PMP22: variants seen among roughly 807,000 people sequenced by gnomAD.
PMP22 encodes peripheral myelin protein 22.
Under a neutral mutation model 18.9 loss-of-function variants are expected in PMP22, and 2 were observed. The observed-to-expected ratio is 0.11, with a 90% CI of 0.04 to 0.33. The LOEUF is 0.33. PMP22 is among the 10% of genes least tolerant of loss of function. The probability of loss-of-function intolerance (pLI) is 1.00; values close to 1 mark genes in which losing one functional copy is unlikely to be tolerated. For synonymous variants in PMP22, 95 were observed against 89.2 expected (o/e 1.07, Z -0.37); for missense variants, 169 against 202.2 (o/e 0.84, Z 1.00).
At chr17:15,249,143 G>A (rs560713073) in intron 3 of PMP22, among the ~76,000 whole-genome samples, 90 of 152,286 alleles carry the variant, frequency 5.9e-4, no homozygotes, top group Non-Finnish European at 1.2e-3. Context: ...CCGTTTACAA[G>A]CACAAAACCC....
At chr17:15,244,160 G>A (rs969045246) in intron 3 of PMP22, among the ~76,000 whole-genome samples, 8 of 152,038 alleles carry the variant, frequency 5.3e-5, no homozygotes, top group Non-Finnish European at 5.9e-5. Flanking sequence ...AATAAACATC[G>A]TAAAAGGTGC....
At chr17:15,238,115 G>T (rs1232970652) in intron 4 of PMP22, among the ~76,000 whole-genome samples, 1 of 152,100 alleles carries the variant, frequency 6.6e-6, no homozygotes, top group African/African-American at 2.4e-5. Flanking sequence ...TGCATAATTA[G>T]TCATTTAACA....
chr17:15,256,057 C>T (rs987270948), intron 3 of PMP22, among the ~76,000 whole-genome samples: 18 of 152,142 alleles, frequency 1.2e-4, no homozygotes, highest in Non-Finnish European at 2.4e-4. Context: ...TCTGCCCACA[C>T]GAGGCAGATA....
chr17:15,246,203 A>T (rs1328685099), intron 3 of PMP22, among the ~76,000 whole-genome samples: 1 of 152,228 alleles, frequency 6.6e-6, no homozygotes, highest in Non-Finnish European at 1.5e-5. Context: ...CAAACTATCT[A>T]TAAAGAATCA....
chr17:15,260,511 A>G, intron 2 of PMP22, 139 bp downstream of exon 2: 2 of 761,094 alleles, frequency 2.6e-6, no homozygotes, highest in Middle Eastern at 3.5e-4. Context: ...AAGGGGGCAG[A>G]TTGCCAGAAA....
intron 4 of PMP22, among the ~76,000 whole-genome samples, chr17:15,236,469 G>A (rs1415265146): frequency 6.6e-6 from 1 of 152,106 alleles, no homozygotes; most frequent in Non-Finnish European, 1.5e-5. Context: ...AGAGATTCTA[G>A]TGGTTTCCAC....
At chr17:15,243,767 G>A (rs867314874) in intron 3 of PMP22, among the ~76,000 whole-genome samples, 8 of 147,266 alleles carry the variant, frequency 5.4e-5, no homozygotes, top group Middle Eastern at 7.5e-3. Context: ...ATGTTCAAGT[G>A]CTTATATTAT....
In PMP22 at chr17:15,258,847, G is replaced by A. The variant is rs1454716170; in HGVS notation, c.178+247C>T. 1 of 559,330 alleles carries A rather than the reference G, an allele frequency of 1.8e-6. No individual in the cohort carries two copies. The highest frequency in any genetic ancestry group is 1.9e-5 in the South Asian group (1 of 51,704). The allele number at this position is 559,330 out of a possible 1,614,324, so 34.6% of individuals were successfully genotyped here. A position where few individuals can be genotyped will look rare whatever the true frequency, so the allele number is the denominator to read the frequency against. On this transcript the variant is annotated intron_variant, in intron 3 of 4. Coordinates refer to ENST00000312280, the MANE Select transcript of PMP22 (RefSeq NM_000304.4). This position sits in a 1 kb window ranked among gnomAD's most constrained non-coding sequence, Gnocchi z 4.1. Reference sequence around the variant, plus strand: ...AATCACAAAAAGCATTATCCTAAGTGATCAGGAGGGCACTAAGGGCATGTC... The same window carrying A: ...AATCACAAAAAGCATTATCCTAAGTAATCAGGAGGGCACTAAGGGCATGTC...
Position 15,239,498 on chromosome 17 carries a change from T to C in PMP22, c.292A>G (p.Ile98Val), listed in dbSNP as rs748778392. The C allele has an allele frequency of 1.9e-6, 3 of 1,614,206 alleles. No individual in the cohort carries two copies. The highest frequency in any genetic ancestry group is 2.5e-6 in the Non-Finnish European group (3 of 1,180,018). ...FTLTKGGRFY[I>V]TGIFQILAGL... ...GCAAGAATTTGGAAGATTCCAGTGA[T>C]GTAAAACCTGCCCCCCTTGGTGAGG... The change falls in exon 4 of 5, where the codon ATC (isoleucine) becomes GTC (valine). Residue 98 changes from isoleucine (I) to valine (V), a missense_variant. Coordinates refer to ENST00000312280, the MANE Select transcript of PMP22 (RefSeq NM_000304.4).
At chr17:15,244,490 C>T (rs16951242) in intron 3 of PMP22, among the ~76,000 whole-genome samples, 2,962 of 152,180 alleles carry the variant, frequency 0.019, 93 homozygotes, top group African/African-American at 0.066. Context: ...CTACTATATC[C>T]TGGAAAAACA....
chr17:15,247,634 G>C (rs780466021), intron 3 of PMP22, among the ~76,000 whole-genome samples: 1 of 152,188 alleles, frequency 6.6e-6, no homozygotes, highest in Non-Finnish European at 1.5e-5. Flanking sequence ...CTACAACCTA[G>C]TGAGTTAAGG....
At chr17:15,245,538 G>A (rs1907726542) in intron 3 of PMP22, among the ~76,000 whole-genome samples, 1 of 152,088 alleles carries the variant, frequency 6.6e-6, no homozygotes, top group South Asian at 2.1e-4. Flanking sequence ...TATTTTATTG[G>A]GTTGTCATAA....
chr17:15,260,800 G>T, intron 1 of PMP22, 39 bp from the exon 2 acceptor site: 1 of 1,356,266 alleles, frequency 7.4e-7, no homozygotes, highest in Non-Finnish European at 1.0e-6. Context: ...GAACGCACTG[G>T]GCCGAGCGAC....
intron 3 of PMP22, among the ~76,000 whole-genome samples, chr17:15,250,064 G>C (rs927250788): frequency 9.6e-4 from 146 of 152,106 alleles, no homozygotes; most frequent in African/African-American, 3.3e-3. Context: ...TACAGGCACC[G>C]GCCACCACGC....
chr17:15,256,070 G>A (rs1256218597), intron 3 of PMP22, among the ~76,000 whole-genome samples: 6 of 152,242 alleles, frequency 3.9e-5, no homozygotes, highest in Admixed American at 6.5e-5. Context: ...GGCAGATAAG[G>A]AGGGGGTGCC....
intron 3 of PMP22, among the ~76,000 whole-genome samples, chr17:15,243,135 T>C (rs757093750): frequency 1.5e-4 from 23 of 151,600 alleles, no homozygotes; most frequent in Non-Finnish European, 7.4e-5. Context: ...AAAAAAACAA[T>C]GAAATAAGTC....
At position 15,256,247 on chromosome 17, in the gene PMP22, T is replaced by C. The variant is rs374030013; in HGVS notation, c.178+2847A>G. On this transcript the variant is annotated intron_variant, in intron 3 of 4. Coordinates refer to ENST00000312280, the MANE Select transcript of PMP22 (RefSeq NM_000304.4). ...GATGTTAGACTGCCTCATGGCACGA[T>C]GCCAGGAGGCCCCATTCATGTAGAA... is the stretch of plus-strand genomic sequence containing the variant. 3.0e-3 allele frequency among the ~76,000 whole-genome samples: 455 copies of C among 152,322 alleles called. 2 individuals carry two copies. Among genetic ancestry groups the C allele is most frequent in the Non-Finnish European group, 4.8e-3 (325 of 68,022 alleles).
chr17:15,262,100 T>A (rs931072894), intron 1 of PMP22, among the ~76,000 whole-genome samples: 8 of 152,212 alleles, frequency 5.3e-5, no homozygotes, highest in African/African-American at 1.9e-4. Context: ...ACTCTCGGGA[T>A]GTCCGCCACA....
intron 4 of PMP22, among the ~76,000 whole-genome samples, chr17:15,237,714 A>G (rs1340081346): frequency 6.6e-6 from 1 of 152,154 alleles, no homozygotes; most frequent in East Asian, 1.9e-4. Context: ...TCATTCATTT[A>G]TCCTCTGGTG....
Sources: allele counts gnomAD v4.1 joint callset (sites outside exome capture counted in the v4.1 genomes callset), GRCh38; gene constraint gnomAD v4.1.1; non-coding constraint Gnocchi (gnomAD v3.1); transcripts MANE v1.5; gene names NCBI Gene and HGNC (gene_info 2026-07-23, HGNC 2026-07-21).